The following INPPL1 variants were observed in gnomAD, a reference collection of about 807,000 sequenced individuals.
INPPL1 encodes the protein phosphatidylinositol 3,4,5-trisphosphate 5-phosphatase 2.
In INPPL1, 91 loss-of-function variants were observed where a neutral mutation model predicts 139.3. That is an observed-to-expected ratio of 0.65 (90% CI 0.55 to 0.78). The LOEUF (loss-of-function observed/expected upper bound fraction) is 0.78, where lower values mean the gene tolerates loss of function less well. Ranked by LOEUF, INPPL1 falls within the 30% of genes least tolerant of loss-of-function variation. The pLI is 0.00. For missense variants in INPPL1, 1,411 were observed against 1,665.6 expected (o/e 0.85, Z 2.66); for synonymous variants, 719 against 686.6 (o/e 1.05, Z -0.74).
Position 72,228,967 on chromosome 11 carries a change from A to G in INPPL1, c.518+120A>G. On this transcript the variant is annotated intron_variant, in intron 4 of 27. Coordinates refer to ENST00000298229, the MANE Select transcript of INPPL1 (RefSeq NM_001567.4). This position sits in a 1 kb window ranked among gnomAD's most constrained non-coding sequence, Gnocchi z 5.0. The stretch of plus-strand genomic sequence containing the variant: ...AGGGACCCCCACCCCACCTCAGCCC[A>G]GAGGCAGATAACCTGATCCATCCCG... 1 of 1,521,666 alleles carries G rather than the reference A, an allele frequency of 6.6e-7. No homozygotes were observed. Among genetic ancestry groups the G allele is most frequent in the Non-Finnish European group, 8.8e-7 (1 of 1,134,420 alleles). The allele number at this position is 1,521,666 out of a possible 1,614,324, so 94.3% of individuals were successfully genotyped here.
chr11:72,224,829 C>G lies in INPPL1; in HGVS notation c.-156C>G. On this transcript the variant is annotated 5_prime_UTR_variant, in exon 1 of 28. Coordinates refer to ENST00000298229, the MANE Select transcript of INPPL1 (RefSeq NM_001567.4). Reference sequence around the variant, plus strand: ...GCGGCTGCGCGGTGAACGAGGCGGCCTGCGCGGCGGAGTGCTGAGTCCCGA... The same window carrying G: ...GCGGCTGCGCGGTGAACGAGGCGGCGTGCGCGGCGGAGTGCTGAGTCCCGA... 1 of 329,824 alleles carries G rather than the reference C, an allele frequency of 3.0e-6. No individual in the cohort carries two copies. Among genetic ancestry groups the G allele is most frequent in the Non-Finnish European group, 4.5e-6 (1 of 223,984 alleles). 20.4% of individuals were successfully genotyped at this position (329,824 alleles called of 1,614,324 possible).
chr11:72,226,839 G>A (rs79304956), intron 1 of INPPL1, among the ~76,000 whole-genome samples: 1,756 of 152,220 alleles, frequency 0.012, 37 homozygotes, highest in African/African-American at 0.041. Flanking sequence ...CTGTTGAGTG[G>A]GAGGGGGACA....
intron 25 of INPPL1, 46 bp from the exon 26 acceptor site, chr11:72,237,078 C>T: frequency 1.3e-6 from 2 of 1,520,536 alleles, no homozygotes; most frequent in Non-Finnish European, 1.8e-6. Context: ...CTGCCTTAGA[C>T]CTGGGTTCCT....
In INPPL1 at chr11:72,237,955, C is replaced by T. The variant is rs1044205233; in HGVS notation, c.3553-87C>T. 4 of 1,467,924 alleles carry T rather than the reference C, an allele frequency of 2.7e-6. No individual in the cohort carries two copies. The African/African-American group carries it at 5.6e-5, about 21-fold the overall frequency. 90.9% of individuals were successfully genotyped at this position (1,467,924 alleles called of 1,614,324 possible). A position where few individuals can be genotyped will look rare whatever the true frequency, so the allele number is the denominator to read the frequency against. On this transcript the variant is annotated intron_variant, in intron 26 of 27. Coordinates refer to ENST00000298229, the MANE Select transcript of INPPL1 (RefSeq NM_001567.4). ...ATGTATCAGCCCAGCCCTTCCCTTC[C>T]TTTTCCCCAGAGCATGCAGCAGAAT...
At chr11:72,232,547 C>T (rs752259439) in intron 14 of INPPL1, 79 bp from the exon 15 acceptor site, 13 of 1,544,836 alleles carry the variant, frequency 8.4e-6, no homozygotes, top group Non-Finnish European at 1.1e-5. Context: ...CCTGAGACTT[C>T]TTCCCTTTAT....
At chr11:72,232,196 C>T (rs1948854231) in intron 13 of INPPL1, 44 bp from the exon 14 acceptor site, 3 of 1,451,872 alleles carry the variant, frequency 2.1e-6, no homozygotes, top group Middle Eastern at 1.8e-4. Context: ...GTTGGGAGCC[C>T]TCTGAGGATG....
intron 1 of INPPL1, 131 bp downstream of exon 1, chr11:72,225,297 G>C (rs1948638756): frequency 8.2e-7 from 1 of 1,221,826 alleles, no homozygotes; most frequent in Admixed American, 4.3e-5. Flanking sequence ...CCCAGAGTGG[G>C]AGCCTTGGCT....
Position 72,228,887 on chromosome 11 carries a change from C to T in INPPL1, c.518+40C>T. The T allele has an allele frequency of 6.5e-7, 1 of 1,542,988 alleles. No individual in the cohort carries two copies. The highest frequency in any genetic ancestry group is 8.7e-7 in the Non-Finnish European group (1 of 1,147,364). On this transcript the variant is annotated intron_variant, in intron 4 of 27. Transcript: ENST00000298229. The surrounding 1 kb of genome is among the most constrained non-coding windows in gnomAD (Gnocchi z 5.0). ...CCATCCACTGAACAGGAGACCCTTTCTCCTCTGAGAACTATTTCCCTACCA... is the reference window on the plus strand; with the variant it reads ...CCATCCACTGAACAGGAGACCCTTTTTCCTCTGAGAACTATTTCCCTACCA...
chr11:72,232,600 T>A, intron 14 of INPPL1, 26 bp from the exon 15 acceptor site: 1 of 1,610,070 alleles, frequency 6.2e-7, no homozygotes, highest in Non-Finnish European at 8.5e-7. Context: ...GATCTACCCC[T>A]CCCCACCACG....
At position 72,232,752 on chromosome 11, in the gene INPPL1, C is replaced by T; in HGVS notation, c.1839C>T (p.Asp613=). The change falls in exon 15 of 28, where the codon GAC becomes GAT. Residue 613 remains aspartate (D), a synonymous_variant. Coordinates refer to ENST00000298229, the MANE Select transcript of INPPL1 (RefSeq NM_001567.4). ...FWFGDLNYRL[D]MDIQEILNYI... ...TTGGGGACCTCAACTACCGCCTGGACATGGATATCCAGGTGCGAGCAGGGC... is the reference window on the plus strand; with the variant it reads ...TTGGGGACCTCAACTACCGCCTGGATATGGATATCCAGGTGCGAGCAGGGC... 22 of 1,614,026 alleles carry T rather than the reference C, an allele frequency of 1.4e-5. No homozygotes were observed. Among genetic ancestry groups the T allele is most frequent in the East Asian group, 2.2e-5 (1 of 44,860 alleles).
intron 1 of INPPL1, chr11:72,227,847 G>A (rs945522271): frequency 1.6e-5 from 6 of 369,082 alleles, no homozygotes; most frequent in Non-Finnish European, 3.1e-5. Context: ...CTCTGGCGGG[G>A]AGCCCAGACT....
Position 72,233,664 on chromosome 11 carries a change from A to T in INPPL1, c.2132A>T (p.Asp711Val). 1 of 1,613,948 alleles carries T rather than the reference A, an allele frequency of 6.2e-7. No homozygotes were observed. The highest frequency in any genetic ancestry group is 1.3e-5 in the African/African-American group (1 of 74,982). The change falls in exon 19 of 28, where the codon GAT (aspartate) becomes GTT (valine). Residue 711 changes from aspartate (D) to valine (V), a missense_variant. This residue lies in a region of INPPL1 where 363 missense variants were observed against 446.2 expected (regional missense o/e 0.81). Coordinates refer to ENST00000298229, the MANE Select transcript of INPPL1 (RefSeq NM_001567.4). Reference sequence around the variant, plus strand: ...TATCCCCTCTCCCCAGGTTGCACTGATGACATCGTCACCAGCGACCATTCC... The same window carrying T: ...TATCCCCTCTCCCCAGGTTGCACTGTTGACATCGTCACCAGCGACCATTCC... ...HIICNSYGCT[D>V]DIVTSDHSPV...
rs368178925 is a variant in INPPL1, at chr11:72,233,137, G to A, written c.2014G>A (p.Ala672Thr). 3 of 1,614,010 alleles carry A rather than the reference G, an allele frequency of 1.9e-6. No individual in the cohort carries two copies. Among genetic ancestry groups the A allele is most frequent in the East Asian group, 2.2e-5 (1 of 44,868 alleles). Residue 672 changes from alanine to threonine, a missense_variant, in exon 17 of 28, where the codon GCC (alanine) becomes ACC (threonine). Ala to Thr is a moderately conservative substitution (Grantham distance 58, BLOSUM62 0). Transcript: ENST00000298229. ...RYERGSRDTY[A>T]WHKQKPTGVR... The stretch of plus-strand genomic sequence containing the variant: ...TGAGCGGGGTTCCCGGGACACATAT[G>A]CCTGGCACAAGCAGAAGCCAACTGG...
In INPPL1 at chr11:72,229,495, G is replaced by C; in HGVS notation, c.690G>C (p.Glu230Asp). ...TGGACAAGGTCCTGTCAGGCCTGGA[G>C]ATCCTGTCCAAGGTGTTTGACCAGC... is the stretch of plus-strand genomic sequence containing the variant. ...SEVDKVLSGL[E>D]ILSKVFDQQS... Residue 230 changes from glutamate (E) to aspartate (D), a missense_variant, in exon 6 of 28, where the codon GAG becomes GAC. By Grantham distance (45) the Glu-to-Asp change is conservative. This residue lies in a region of INPPL1 where 504 missense variants were observed against 595.6 expected (regional missense o/e 0.85). Transcript: ENST00000298229. 1.9e-6 allele frequency: 3 copies of C among 1,614,194 alleles called. No homozygotes were observed. The highest frequency in any genetic ancestry group is 2.5e-6 in the Non-Finnish European group (3 of 1,180,028).
chr11:72,225,393 G>A, intron 1 of INPPL1: 1 of 985,446 alleles, frequency 1.0e-6, no homozygotes, highest in Non-Finnish European at 1.2e-6. Context: ...TAGAGAATAT[G>A]GGGTTCTGTG....
At chr11:72,232,180 G>A (rs1309226245) in intron 13 of INPPL1, 60 bp from the exon 14 acceptor site, 4 of 1,314,762 alleles carry the variant, frequency 3.0e-6, no homozygotes, top group Non-Finnish European at 4.3e-6. Flanking sequence ...AGAGGCAGAA[G>A]GGAGAGTTGG....
At chr11:72,232,361 C>T (rs1210308499) in intron 14 of INPPL1, 25 bp downstream of exon 14, 7 of 1,534,204 alleles carry the variant, frequency 4.6e-6, no homozygotes, top group Non-Finnish European at 6.2e-6. Context: ...TTCCCATGGT[C>T]TCTTTACACC....
chr11:72,225,008 GGGCCCGGGGGGCGCCCTGGGC>G lies in INPPL1; in HGVS notation c.25_45del (p.Gly9_Gly15del). ...CCATGGCCTCGGCCTGCGGGGCGCC[GGGCCCGGGGGGCGCCCTGGGC>G]AGCCAGGCCCCCTCCTGGTACCACC... On this transcript the variant is annotated inframe_deletion, in exon 1 of 28. Transcript: ENST00000298229. The G allele has an allele frequency of 8.3e-7, 1 of 1,208,268 alleles. No homozygotes were observed. The highest frequency in any genetic ancestry group is 4.1e-5 in the South Asian group (1 of 24,238). 74.8% of individuals were successfully genotyped at this position (1,208,268 alleles called of 1,614,324 possible). A position where few individuals can be genotyped will look rare whatever the true frequency, so the allele number is the denominator to read the frequency against.
intron 1 of INPPL1, among the ~76,000 whole-genome samples, chr11:72,227,291 A>G (rs1040360769): frequency 1.3e-5 from 2 of 152,218 alleles, no homozygotes; most frequent in Non-Finnish European, 2.9e-5. Flanking sequence ...GAATGGGGAT[A>G]ATAATATCTG....
Sources: allele counts gnomAD v4.1 joint callset (sites outside exome capture counted in the v4.1 genomes callset), GRCh38; gene constraint gnomAD v4.1.1; regional missense constraint gnomAD v4.1.1; non-coding constraint Gnocchi (gnomAD v3.1); transcripts MANE v1.5; gene names NCBI Gene and HGNC (gene_info 2026-07-23, HGNC 2026-07-21).